The following HTR2C variants were observed in gnomAD, a reference collection of about 807,000 sequenced individuals.
HTR2C encodes the protein 5-hydroxytryptamine receptor 2C.
HTR2C carries 5 observed loss-of-function variants against 21.0 expected under a neutral mutation model. That is an observed-to-expected ratio of 0.24 (90% CI 0.12 to 0.50). The LOEUF (loss-of-function observed/expected upper bound fraction) is 0.50. Among genes scored for constraint, HTR2C ranks in the 20% least tolerant of loss-of-function variants. The pLI, the probability that HTR2C is intolerant of heterozygous loss-of-function variation, is 0.98. For missense variants in HTR2C, 271 were observed against 371.2 expected (o/e 0.73, Z 2.22); for synonymous variants, 150 against 145.3 (o/e 1.03, Z -0.23).
intron 4 of HTR2C, among the ~76,000 whole-genome samples, chrX:114,790,998 C>CA (rs782105420): frequency 0.024 from 2,056 of 85,741 alleles, 46 homozygotes; most frequent in African/African-American, 0.077. Flanking sequence ...ACCCTGTCTC[C>CA]AAAAAAAAAA....
intron 4 of HTR2C, among the ~76,000 whole-genome samples, chrX:114,809,208 C>T (rs910094123): frequency 6.4e-5 from 7 of 110,137 alleles, no homozygotes; most frequent in South Asian, 4.0e-4. Flanking sequence ...ACCCAAGCTA[C>T]GGGACAAAGT....
At chrX:114,897,912 G>A (rs1341335225) in intron 5 of HTR2C, among the ~76,000 whole-genome samples, 2 of 112,281 alleles carry the variant, frequency 1.8e-5, no homozygotes, top group Non-Finnish European at 3.8e-5. Context: ...ATTCCTTTGG[G>A]TATATACCCA....
intron 4 of HTR2C, chrX:114,775,308 T>C (rs2070045658): frequency 1.9e-6 from 1 of 527,683 alleles, no homozygotes; most frequent in African/African-American, 2.3e-5. Context: ...AGCAGAGACA[T>C]TGAGGATGCC....
intron 5 of HTR2C, among the ~76,000 whole-genome samples, chrX:114,904,858 T>G (rs1438276330): frequency 9.5e-6 from 1 of 105,554 alleles, no homozygotes; most frequent in African/African-American, 3.4e-5. Flanking sequence ...CATAAAGATT[T>G]AAACAACACA....
chrX:114,900,806 C>A (rs151190400), intron 5 of HTR2C, among the ~76,000 whole-genome samples: 85 of 111,796 alleles, frequency 7.6e-4, no homozygotes, highest in African/African-American at 2.5e-3. Flanking sequence ...TATAATTGTT[C>A]TCTCTATAAT....
In HTR2C at chrX:114,805,755, A is replaced by ATCTATACCATG. The variant is rs1569495574; in HGVS notation, c.350-42247_350-42246insCTATACCATGT. Among the ~76,000 whole-genome samples, 34 of 77,808 alleles carry ATCTATACCATG rather than the reference A, an allele frequency of 4.4e-4. 9 individuals are homozygous for ATCTATACCATG. Among genetic ancestry groups the ATCTATACCATG allele is most frequent in the African/African-American group, 1.5e-3 (32 of 20,785 alleles). 67.6% of individuals were successfully genotyped at this position (77,808 alleles called of 115,157 possible). ...CCATATATACACCATATATACACCT[A>ATCTATACCATG]TATATACACCATATCTATACCATGT... On this transcript the variant is annotated intron_variant, in intron 4 of 5. Transcript: ENST00000276198.
chrX:114,786,857 ATTTTTGTTTTTTTG>A (rs1160801999), intron 4 of HTR2C, among the ~76,000 whole-genome samples: 2 of 110,089 alleles, frequency 1.8e-5, no homozygotes, highest in African/African-American at 6.6e-5. Context: ...AAAAGGTGGG[ATTTTTGTTTTTTTG>A]TTTTTGTTTT....
At chrX:114,763,101 G>T in intron 4 of HTR2C, 1 of 125,908 alleles carries the variant, frequency 7.9e-6, no homozygotes. Flanking sequence ...ATCTACCACT[G>T]GGCATCCATC....
At chrX:114,759,107 G>A (rs1371615085) in intron 4 of HTR2C, among the ~76,000 whole-genome samples, 1 of 111,655 alleles carries the variant, frequency 9.0e-6, no homozygotes, top group Non-Finnish European at 1.9e-5. Flanking sequence ...GACTAAATTG[G>A]AACAAATCAG....
intron 2 of HTR2C, among the ~76,000 whole-genome samples, chrX:114,653,200 C>A (rs1267221959): frequency 9.2e-6 from 1 of 109,096 alleles, no homozygotes; most frequent in Non-Finnish European, 1.9e-5. Flanking sequence ...AGTAATTACT[C>A]TGCCCATCAT....
chrX:114,902,999 ATGTTGTTTTG>A (rs1331172508), intron 5 of HTR2C, among the ~76,000 whole-genome samples: 17 of 112,042 alleles, frequency 1.5e-4, no homozygotes, highest in African/African-American at 5.2e-4. Context: ...CAGTTGTGAT[ATGTTGTTTTG>A]GTTGAAATTT....
chrX:114,795,925 C>A (rs1556445170), intron 4 of HTR2C, among the ~76,000 whole-genome samples: 1 of 111,673 alleles, frequency 9.0e-6, no homozygotes, highest in Non-Finnish European at 1.9e-5. Context: ...GTTGTGCTGA[C>A]AGAGAGCTGT....
Position 114,797,240 on chromosome X carries a change from A to T in HTR2C, c.350-50763A>T. On this transcript the variant is annotated intron_variant, in intron 4 of 5. Coordinates refer to ENST00000276198, the MANE Select transcript of HTR2C (RefSeq NM_000868.4). The stretch of plus-strand genomic sequence containing the variant: ...TCTTATAAGCCTTTAGTCAAGCAAC[A>T]TTTTTTTAAAATAGTATCCTGTTCT... 2.7e-5 allele frequency among the ~76,000 whole-genome samples: 3 copies of T among 111,209 alleles called. 1 individual carries two copies. The Admixed American group carries it at 2.9e-4, about 11-fold the overall frequency.
chrX:114,904,648 T>G (rs1602932751), intron 5 of HTR2C, among the ~76,000 whole-genome samples: 1 of 111,852 alleles, frequency 8.9e-6, no homozygotes, highest in East Asian at 2.8e-4. Context: ...AAGTATCTCT[T>G]AATATATAAG....
chrX:114,650,780 A>G (rs1457428670), intron 2 of HTR2C, among the ~76,000 whole-genome samples: 1 of 112,107 alleles, frequency 8.9e-6, no homozygotes, highest in Non-Finnish European at 1.9e-5. Flanking sequence ...TGAAGTAAGA[A>G]TAATAAGTAA....
intron 2 of HTR2C, among the ~76,000 whole-genome samples, chrX:114,626,099 A>G (rs1929358710): frequency 9.0e-6 from 1 of 111,134 alleles, no homozygotes; most frequent in African/African-American, 3.3e-5. Flanking sequence ...TAAGAGGCAG[A>G]TGCCGATTTG....
intron 5 of HTR2C, among the ~76,000 whole-genome samples, chrX:114,880,926 G>A (rs920757499): frequency 1.2e-4 from 13 of 110,753 alleles, no homozygotes; most frequent in Non-Finnish European, 2.1e-4. Context: ...ATTCTCTTGG[G>A]TATATAACTA....
rs376970914 is a variant in HTR2C at position 114,607,087 on chromosome X, C to T, written c.-146-6728C>T. On this transcript the variant is annotated intron_variant, in intron 1 of 5. Coordinates refer to ENST00000276198, the MANE Select transcript of HTR2C (RefSeq NM_000868.4). ...TGTTATCACTTAAGGCAAGGACCGGCCATTTACACTTCTTTTGTGGTGGAA... is the reference window on the plus strand; with the variant it reads ...TGTTATCACTTAAGGCAAGGACCGGTCATTTACACTTCTTTTGTGGTGGAA... 8.3e-3 allele frequency among the ~76,000 whole-genome samples: 886 copies of T among 106,281 alleles called. 40 individuals carry two copies. The highest frequency in any genetic ancestry group is 0.031 in the African/African-American group (832 of 26,442). The allele number at this position is 106,281 out of a possible 115,157, so 92.3% of individuals were successfully genotyped here.
At chrX:114,830,588 AT>A (rs1364203404) in intron 4 of HTR2C, among the ~76,000 whole-genome samples, 48 of 107,890 alleles carry the variant, frequency 4.4e-4, no homozygotes, top group Non-Finnish European at 7.7e-4. Flanking sequence ...GTAACTTTTT[AT>A]TTTTTTATTT....
Sources: gnomAD v4.1 joint callset for allele counts (sites outside exome capture counted in the v4.1 genomes callset) on GRCh38, gnomAD v4.1.1 for gene constraint, MANE v1.5 for transcripts, NCBI Gene and HGNC (gene_info 2026-07-23, HGNC 2026-07-21) for gene names.